Variants in CLIP1 observed in about 807,000 individuals in gnomAD.
CLIP1 encodes CAP-Gly domain-containing linker protein 1.
CLIP1 carries 66 observed loss-of-function variants against 161.6 expected under a neutral mutation model. That is an observed-to-expected ratio of 0.41 (90% CI 0.33 to 0.50). CLIP1 has a LOEUF of 0.50. CLIP1 is among the 20% of genes least tolerant of loss of function. The pLI is 0.27. For synonymous variants in CLIP1, 598 were observed against 626.2 expected (o/e 0.96, Z 0.67); for missense variants, 1,376 against 1,702.0 (o/e 0.81, Z 3.37).
intron 5 of CLIP1, among the ~76,000 whole-genome samples, chr12:122,357,562 G>C (rs1208276393): frequency 1.5e-5 from 1 of 68,918 alleles, no homozygotes; most frequent in African/African-American, 6.9e-5. Flanking sequence ...GAGGTGGGGG[G>C]GGTCAGCCCC....
At chr12:122,420,927 T>C (rs1265862190) in intron 1 of CLIP1, among the ~76,000 whole-genome samples, 4 of 151,496 alleles carry the variant, frequency 2.6e-5, no homozygotes, top group Admixed American at 2.6e-4. Flanking sequence ...AGATTGAGGC[T>C]CCCTCTCATT....
intron 8 of CLIP1, among the ~76,000 whole-genome samples, chr12:122,351,575 T>C (rs1298823369): frequency 6.6e-6 from 1 of 152,136 alleles, no homozygotes; most frequent in Admixed American, 6.5e-5. Context: ...GAAATCAGAG[T>C]TGCTGTTTGG....
At chr12:122,404,912 C>CAAAAAAAAAAAAAAA (rs373167612) in intron 1 of CLIP1, among the ~76,000 whole-genome samples, 1 of 124,218 alleles carries the variant, frequency 8.1e-6, no homozygotes. Flanking sequence ...AAAAAAAAAA[C>CAAAAAAAAAAAAAAA]AAAACAAAAA....
intron 1 of CLIP1, among the ~76,000 whole-genome samples, chr12:122,415,026 C>G (rs1956684480): frequency 6.6e-6 from 1 of 151,854 alleles, no homozygotes; most frequent in Non-Finnish European, 1.5e-5. Context: ...CCAGTACACT[C>G]CAGCCTCGGC....
rs976684687 is a variant in CLIP1 at position 122,323,689 on chromosome 12, C to G, written c.3249+4258G>C. 6.6e-5 allele frequency: 10 copies of G among 152,654 alleles called. No individual in the cohort carries two copies. Among genetic ancestry groups the G allele is most frequent in the African/African-American group, 2.4e-4 (10 of 41,456 alleles). 9.5% of individuals were successfully genotyped at this position (152,654 alleles called of 1,614,324 possible). ...TCTGAAGAACATTATCTCGTTCTAC[C>G]TTTAAGGCTATGCACGTGTTATCGA... is the stretch of plus-strand genomic sequence containing the variant. On this transcript the variant is annotated intron_variant, in intron 17 of 25. Transcript: ENST00000620786. The surrounding 1 kb of genome is among the most constrained non-coding windows in gnomAD (Gnocchi z 4.1).
At chr12:122,415,255 G>A (rs932483040) in intron 1 of CLIP1, among the ~76,000 whole-genome samples, 11 of 151,684 alleles carry the variant, frequency 7.3e-5, no homozygotes, top group Non-Finnish European at 1.5e-4. Context: ...GCAGAGGCGG[G>A]CGGATCACGA....
At chr12:122,287,099 A>G (rs933822130) in intron 21 of CLIP1, among the ~76,000 whole-genome samples, 3 of 152,162 alleles carry the variant, frequency 2.0e-5, no homozygotes, top group Non-Finnish European at 2.9e-5. Flanking sequence ...AATTGAGCCC[A>G]GGAGATTGAG....
Position 122,311,098 on chromosome 12 carries a change from CTATATATG to C in CLIP1, c.3474-1224_3474-1217del, listed in dbSNP as rs1942803628. Among the ~76,000 whole-genome samples, 3 of 152,164 alleles carry C rather than the reference CTATATATG, an allele frequency of 2.0e-5. No individual in the cohort carries two copies. The highest frequency in any genetic ancestry group is 4.1e-4 in the South Asian group (2 of 4,836). On this transcript the variant is annotated intron_variant, in intron 19 of 25. Coordinates refer to ENST00000620786, the MANE Select transcript of CLIP1 (RefSeq NM_001247997.2). The surrounding 1 kb of genome is among the most constrained non-coding windows in gnomAD (Gnocchi z 4.3). Reference sequence around the variant, plus strand: ...GAGATGCATATATATGAATCTCTCTCTATATATGTATATATGTATATACATGCACATAC... The same window carrying C: ...GAGATGCATATATATGAATCTCTCTCTATATATGTATATACATGCACATAC...
intron 23 of CLIP1, 109 bp downstream of exon 23, chr12:122,278,683 G>C: frequency 8.5e-7 from 1 of 1,171,556 alleles, no homozygotes; most frequent in Non-Finnish European, 1.2e-6. Context: ...GCTAAGGAGA[G>C]TCAGGGTCAG....
chr12:122,388,288 C>T (rs964092213), intron 1 of CLIP1, among the ~76,000 whole-genome samples: 1 of 151,440 alleles, frequency 6.6e-6, no homozygotes, highest in Non-Finnish European at 1.5e-5. Flanking sequence ...GGCGCGATCT[C>T]GGCTCACTGC....
intron 11 of CLIP1, among the ~76,000 whole-genome samples, chr12:122,337,541 G>C (rs888634783): frequency 6.6e-6 from 1 of 151,694 alleles, no homozygotes; most frequent in Non-Finnish European, 1.5e-5. Context: ...CTCTTATTTT[G>C]GACTCTCAAA....
Position 122,281,601 on chromosome 12 carries a change from C to T in CLIP1, c.3648-2456G>A, listed in dbSNP as rs141608839. Among the ~76,000 whole-genome samples the T allele has an allele frequency of 3.0e-3, 457 of 151,372 alleles. 4 individuals carry two copies. Among genetic ancestry groups the T allele is most frequent in the African/African-American group, 0.01 (426 of 41,244 alleles). ...GTCCCAGCTACTAGGGAAGCTGAGG[C>T]GGGAGGATGGCTTGAGGCGGGAGGA... On this transcript the variant is annotated intron_variant, in intron 21 of 25. Coordinates refer to ENST00000620786, the MANE Select transcript of CLIP1 (RefSeq NM_001247997.2).
intron 1 of CLIP1, among the ~76,000 whole-genome samples, chr12:122,398,242 C>T (rs1956000834): frequency 6.7e-6 from 1 of 148,764 alleles, no homozygotes; most frequent in Non-Finnish European, 1.5e-5. Context: ...ATGGTGAAAC[C>T]CTGTCTCTAC....
intron 8 of CLIP1, among the ~76,000 whole-genome samples, chr12:122,352,450 C>A (rs1334769158): frequency 2.0e-5 from 3 of 152,150 alleles, no homozygotes; most frequent in African/African-American, 7.2e-5. Context: ...AAATTGAGGA[C>A]ACACTGCCAG....
At chr12:122,288,670 A>C (rs1955959899) in intron 20 of CLIP1, 129 bp from the exon 21 acceptor site, 3 of 696,150 alleles carry the variant, frequency 4.3e-6, no homozygotes, top group Non-Finnish European at 7.3e-6. Flanking sequence ...AGCAATGAAG[A>C]GGGACAAGTG....
intron 1 of CLIP1, among the ~76,000 whole-genome samples, chr12:122,390,731 A>AT (rs974822113): frequency 6.6e-6 from 1 of 150,566 alleles, no homozygotes; most frequent in South Asian, 2.1e-4. Context: ...CGGCTAGACC[A>AT]TTTTTTTTCA....
intron 18 of CLIP1, among the ~76,000 whole-genome samples, chr12:122,318,052 T>C (rs1181619805): frequency 6.6e-6 from 1 of 152,262 alleles, no homozygotes; most frequent in East Asian, 1.9e-4. Context: ...TTGTCAGTTC[T>C]ATAAATGTAC....
intron 17 of CLIP1, chr12:122,322,531 A>G (rs1185266592): frequency 1.3e-5 from 2 of 152,682 alleles, no homozygotes; most frequent in African/African-American, 4.8e-5. Context: ...CTGCTTCTGC[A>G]GTCAACAGTT....
chr12:122,323,232 C>T lies in CLIP1; in HGVS notation c.3250-3884G>A, dbSNP rs1306776441. ...ATTTTCTGAGAAGCCATCTCCTTCTCGGAAGTCAGGTAAGTGATCTTCTCA... is the reference window on the plus strand; with the variant it reads ...ATTTTCTGAGAAGCCATCTCCTTCTTGGAAGTCAGGTAAGTGATCTTCTCA... On this transcript the variant is annotated intron_variant, in intron 17 of 25. Coordinates refer to ENST00000620786, the MANE Select transcript of CLIP1 (RefSeq NM_001247997.2). The surrounding 1 kb of genome is among the most constrained non-coding windows in gnomAD (Gnocchi z 4.1). The T allele has an allele frequency of 1.3e-5, 2 of 152,602 alleles. No homozygotes were observed. Among genetic ancestry groups the T allele is most frequent in the Admixed American group, 1.3e-4 (2 of 15,276 alleles). 9.5% of individuals were successfully genotyped at this position (152,602 alleles called of 1,614,324 possible).
Sources: gnomAD v4.1 joint callset for allele counts (sites outside exome capture counted in the v4.1 genomes callset) on GRCh38, gnomAD v4.1.1 for gene constraint, Gnocchi (gnomAD v3.1) non-coding constraint, MANE v1.5 for transcripts, NCBI Gene and HGNC (gene_info 2026-07-23, HGNC 2026-07-21) for gene names.